SLC13A3: variants seen among roughly 807,000 people sequenced by gnomAD.
SLC13A3 encodes solute carrier family 13 member 3.
In SLC13A3, 40 loss-of-function variants were observed where a neutral mutation model predicts 59.0. The observed-to-expected ratio is 0.68, with a 90% CI of 0.53 to 0.88. The LOEUF is 0.88. SLC13A3 is among the 40% of genes least tolerant of loss of function. The pLI is 0.00. For missense variants in SLC13A3, 699 were observed against 783.2 expected, an observed-to-expected ratio of 0.89 and a Z score of 1.28; for synonymous variants, 317 against 330.3, an observed-to-expected ratio of 0.96 and a Z score of 0.44.
rs1255376357 is a variant in SLC13A3 at position 46,645,876 on chromosome 20, T to C, written c.111+5435A>G. On this transcript the variant is annotated intron_variant, in intron 1 of 12. Transcript: ENST00000279027. ...AAAATCTCCTTTTAAAGTCATTGCA[T>C]TTAAGTTTTTTTAAAAGGAGAGGGC... Among the ~76,000 whole-genome samples, 10 of 152,100 alleles carry C rather than the reference T, an allele frequency of 6.6e-5. 1 individual carries two copies. The highest frequency in any genetic ancestry group is 2.2e-4 in the African/African-American group (9 of 41,452).
chr20:46,668,484 G>A (rs2063073242), intron 1 of SLC13A3, among the ~76,000 whole-genome samples: 1 of 152,232 alleles, frequency 6.6e-6, no homozygotes, highest in Non-Finnish European at 1.5e-5. Flanking sequence ...TGAAGACTGA[G>A]AGAGGTGAGG....
chr20:46,653,543 AT>A (rs2062966169), upstream of SLC13A3, among the ~76,000 whole-genome samples: 1 of 152,202 alleles, frequency 6.6e-6, no homozygotes, highest in African/African-American at 2.4e-5. Context: ...CAACAACAAA[AT>A]AAGGCAGGTT....
chr20:46,623,341 A>C (rs1400455923), intron 1 of SLC13A3, among the ~76,000 whole-genome samples: 1 of 152,200 alleles, frequency 6.6e-6, no homozygotes, highest in Non-Finnish European at 1.5e-5. Flanking sequence ...TCTAAGTTTC[A>C]GGCGTCTTCT....
At chr20:46,638,582 G>C (rs146098728) in intron 1 of SLC13A3, among the ~76,000 whole-genome samples, 1 of 152,174 alleles carries the variant, frequency 6.6e-6, no homozygotes, top group Admixed American at 6.5e-5. Flanking sequence ...TGCCTTTCTC[G>C]TGCCTGGAAT....
At chr20:46,632,513 G>C (rs1600588956) in intron 1 of SLC13A3, among the ~76,000 whole-genome samples, 2 of 151,870 alleles carry the variant, frequency 1.3e-5, no homozygotes, top group South Asian at 4.1e-4. Context: ...CATGGACAGG[G>C]AGCTGGGACC....
chr20:46,650,139 C>T (rs141891457), intron 1 of SLC13A3, among the ~76,000 whole-genome samples: 104 of 152,260 alleles, frequency 6.8e-4, no homozygotes, highest in African/African-American at 2.4e-3. Context: ...GTGAAGAACC[C>T]AAAAGGGACC....
At chr20:46,656,406 T>C (rs2062993003), upstream of SLC13A3, among the ~76,000 whole-genome samples, 1 of 17,124 alleles carries the variant, frequency 5.8e-5, no homozygotes, top group African/African-American at 2.7e-4. Context: ...TACTATACAG[T>C]ATATATTATA....
chr20:46,640,477 C>T (rs540197280), intron 1 of SLC13A3, among the ~76,000 whole-genome samples: 9 of 152,290 alleles, frequency 5.9e-5, no homozygotes, highest in South Asian at 4.1e-4. Flanking sequence ...CCATGGCTGT[C>T]CCTCTTCGTG....
chr20:46,640,949 C>T (rs554659357), intron 1 of SLC13A3, among the ~76,000 whole-genome samples: 3 of 152,226 alleles, frequency 2.0e-5, no homozygotes, highest in East Asian at 1.9e-4. Flanking sequence ...GCAGGAGCTC[C>T]GGGAAAGTGG....
At chr20:46,579,065 C>T (rs1010853632) in intron 9 of SLC13A3, among the ~76,000 whole-genome samples, 2 of 152,168 alleles carry the variant, frequency 1.3e-5, no homozygotes, top group African/African-American at 4.8e-5. Flanking sequence ...AAAATCAAGG[C>T]TGGCTTGAAT....
chr20:46,581,192 G>A (rs1244410240), intron 9 of SLC13A3, among the ~76,000 whole-genome samples: 2 of 152,192 alleles, frequency 1.3e-5, no homozygotes, highest in Non-Finnish European at 2.9e-5. Flanking sequence ...CCCAATTTGG[G>A]GGCTCGCCTG....
chr20:46,677,359 C>T (rs1343280429), intron 1 of SLC13A3, among the ~76,000 whole-genome samples: 3 of 152,128 alleles, frequency 2.0e-5, no homozygotes, highest in Non-Finnish European at 4.4e-5. Flanking sequence ...CCTAGAAGTC[C>T]CCAGAAGCCC....
In SLC13A3 at chr20:46,642,142, T is replaced by C. The variant is rs1477385452; in HGVS notation, c.111+9169A>G. Among the ~76,000 whole-genome samples the C allele has an allele frequency of 2.0e-5, 3 of 152,234 alleles. No individual in the cohort carries two copies. The East Asian group carries it at 5.8e-4, about 29-fold the overall frequency. On this transcript the variant is annotated intron_variant, in intron 1 of 12. Transcript: ENST00000279027. ...CTGTGTGGCATGGTATGCCTCCTGC[T>C]TCTAGGGCCATCTGAGTATAAAAAC...
chr20:46,560,431 C>T (rs2061921230), intron 12 of SLC13A3, among the ~76,000 whole-genome samples: 1 of 152,150 alleles, frequency 6.6e-6, no homozygotes, highest in Non-Finnish European at 1.5e-5. Flanking sequence ...CCTCTAGGTT[C>T]CAGGCACTGT....
At chr20:46,678,944 C>A (rs913404801) in intron 1 of SLC13A3, among the ~76,000 whole-genome samples, 1 of 152,170 alleles carries the variant, frequency 6.6e-6, no homozygotes, top group African/African-American at 2.4e-5. Context: ...AGGAGCCCGG[C>A]TCCTCCCCTT....
intron 1 of SLC13A3, among the ~76,000 whole-genome samples, chr20:46,614,538 C>T (rs562082248): frequency 6.6e-6 from 1 of 152,198 alleles, no homozygotes; most frequent in African/African-American, 2.4e-5. Flanking sequence ...GGACAGGGAG[C>T]AACTGCCACA....
intron 8 of SLC13A3, among the ~76,000 whole-genome samples, chr20:46,587,197 T>A (rs2062202670): frequency 6.6e-6 from 1 of 152,212 alleles, no homozygotes; most frequent in Non-Finnish European, 1.5e-5. Context: ...ACTATTGAGT[T>A]CTTTTTATGA....
At chr20:46,656,507 T>C (rs557808539) in intron 1 of SLC13A3, among the ~76,000 whole-genome samples, 1 of 139,934 alleles carries the variant, frequency 7.1e-6, no homozygotes, top group Admixed American at 7.5e-5. Flanking sequence ...CTATACAGTA[T>C]ATATTATACT....
chr20:46,613,952 G>T (rs1298511816), intron 1 of SLC13A3: 6 of 468,196 alleles, frequency 1.3e-5, no homozygotes, highest in Admixed American at 3.9e-5. Flanking sequence ...GCCTCATTTT[G>T]CTCAATTATA....
Sources: gnomAD v4.1 joint callset for allele counts (sites outside exome capture counted in the v4.1 genomes callset) on GRCh38, gnomAD v4.1.1 for gene constraint, MANE v1.5 for transcripts, NCBI Gene and HGNC (gene_info 2026-07-23, HGNC 2026-07-21) for gene names.